Variants in LRMDA observed in about 807,000 individuals in gnomAD.
LRMDA encodes leucine rich melanocyte differentiation associated.
Under a neutral mutation model 29.8 loss-of-function variants are expected in LRMDA, and 18 were observed. The ratio of observed to expected loss-of-function variants is 0.60; its 90% CI spans 0.42 to 0.90. LRMDA has a LOEUF of 0.90. Among genes scored for constraint, LRMDA ranks in the 40% least tolerant of loss-of-function variants. LRMDA has a pLI of 0.00. For synonymous variants in LRMDA, 125 were observed against 109.4 expected (o/e 1.14, Z -0.89); for missense variants, 273 against 273.9 (o/e 1.00, Z 0.02).
chr10:75,493,350 T>TGGGTGG (rs72058186), intron 2 of LRMDA, among the ~76,000 whole-genome samples: 9 of 138,532 alleles, frequency 6.5e-5, no homozygotes, highest in East Asian at 2.3e-4. Flanking sequence ...TGAGATTGGG[T>TGGGTGG]GTGTGTGTGT....
At chr10:75,992,145 GGGTCCAGATA>G (rs1397694104) in intron 2 of LRMDA, among the ~76,000 whole-genome samples, 1 of 152,048 alleles carries the variant, frequency 6.6e-6, no homozygotes, top group East Asian at 1.9e-4. Context: ...GAGGAAAAAG[GGGTCCAGATA>G]GGTTAAACTC....
At chr10:76,311,331 C>T (rs1840627011) in intron 5 of LRMDA, among the ~76,000 whole-genome samples, 1 of 98,672 alleles carries the variant, frequency 1.0e-5, no homozygotes. Flanking sequence ...AATGAAATTT[C>T]CTGTGCTTTT....
chr10:75,908,421 AG>A (rs1845793431), intron 2 of LRMDA, among the ~76,000 whole-genome samples: 1 of 152,246 alleles, frequency 6.6e-6, no homozygotes, highest in South Asian at 2.1e-4. Context: ...ATAAATTGGC[AG>A]TCTGGTTTGT....
chr10:76,210,737 C>A (rs1851620269), intron 5 of LRMDA, among the ~76,000 whole-genome samples: 1 of 152,102 alleles, frequency 6.6e-6, no homozygotes. Context: ...CACTTGATTT[C>A]TTTGGACTCA....
At chr10:76,401,304 A>G (rs1252940963) in intron 6 of LRMDA, among the ~76,000 whole-genome samples, 4 of 152,176 alleles carry the variant, frequency 2.6e-5, no homozygotes, top group Admixed American at 6.5e-5. Context: ...TTGTGGAACT[A>G]TTCGTTTATT....
At position 76,488,422 on chromosome 10, in the gene LRMDA, C is replaced by A. The variant is rs539783924; in HGVS notation, c.602-68787C>A. 3.3e-5 allele frequency among the ~76,000 whole-genome samples: 5 copies of A among 151,762 alleles called. No homozygotes were observed. The South Asian group carries it at 1.0e-3, about 31-fold the overall frequency. On this transcript the variant is annotated intron_variant, in intron 6 of 6. Coordinates refer to ENST00000611255, the MANE Select transcript of LRMDA (RefSeq NM_001305581.2). ...TTTCTAGACTATTATATAAAAAATA[C>A]AATATGTACTGTTTTTTCTGGCTTC...
intron 2 of LRMDA, among the ~76,000 whole-genome samples, chr10:75,562,545 G>A (rs1335444403): frequency 6.6e-6 from 1 of 152,002 alleles, no homozygotes; most frequent in African/African-American, 2.4e-5. Context: ...AGTTAATATT[G>A]TTATGTGTGA....
At chr10:76,517,473 G>C (rs1843073648) in intron 6 of LRMDA, among the ~76,000 whole-genome samples, 1 of 152,110 alleles carries the variant, frequency 6.6e-6, no homozygotes, top group Admixed American at 6.5e-5. Flanking sequence ...ATAAATATCA[G>C]CTTGGAATTG....
intron 2 of LRMDA, among the ~76,000 whole-genome samples, chr10:76,018,768 A>T (rs1847921571): frequency 6.6e-6 from 1 of 151,964 alleles, no homozygotes; most frequent in Non-Finnish European, 1.5e-5. Context: ...GGGTTTCGCC[A>T]TGTTGGCCAG....
intron 2 of LRMDA, among the ~76,000 whole-genome samples, chr10:75,603,113 C>T (rs953604308): frequency 6.6e-6 from 1 of 151,780 alleles, no homozygotes; most frequent in Non-Finnish European, 1.5e-5. Flanking sequence ...TATCTTAATG[C>T]TTAATAGCAA....
intron 2 of LRMDA, among the ~76,000 whole-genome samples, chr10:75,971,652 C>T (rs988411408): frequency 8.5e-5 from 13 of 152,212 alleles, no homozygotes; most frequent in African/African-American, 2.4e-4. Flanking sequence ...CTTGGAAAAA[C>T]ACTCCAACTG....
intron 2 of LRMDA, among the ~76,000 whole-genome samples, chr10:75,973,928 C>A (rs1847026237): frequency 6.6e-6 from 1 of 152,102 alleles, no homozygotes; most frequent in Non-Finnish European, 1.5e-5. Flanking sequence ...AATGCCTGAC[C>A]ATGTGAGCTT....
At chr10:75,978,920 G>A (rs936239615) in intron 2 of LRMDA, among the ~76,000 whole-genome samples, 4 of 152,132 alleles carry the variant, frequency 2.6e-5, no homozygotes, top group Middle Eastern at 3.2e-3. Context: ...GATGAGCCAG[G>A]CAATCTGTGC....
intron 5 of LRMDA, among the ~76,000 whole-genome samples, chr10:76,170,141 G>C (rs76040754): frequency 6.6e-6 from 1 of 152,156 alleles, no homozygotes; most frequent in African/African-American, 2.4e-5. Flanking sequence ...TTCAGGAGCG[G>C]ATCAGGGCTG....
intron 2 of LRMDA, among the ~76,000 whole-genome samples, chr10:75,899,148 T>C (rs1350695485): frequency 6.6e-6 from 1 of 152,230 alleles, no homozygotes; most frequent in Non-Finnish European, 1.5e-5. Context: ...GAGAAGACTA[T>C]TGAAGAAGGC....
Position 76,517,176 on chromosome 10 carries a change from A to T in LRMDA, c.602-40033A>T, listed in dbSNP as rs1227990184. On this transcript the variant is annotated intron_variant, in intron 6 of 6. Coordinates refer to ENST00000611255, the MANE Select transcript of LRMDA (RefSeq NM_001305581.2). Reference sequence around the variant, plus strand: ...GAAGAGAGAATAGGAAAAAGATAGGAGAGCCATACTTGAACAGGTGGCAGC... The same window carrying T: ...GAAGAGAGAATAGGAAAAAGATAGGTGAGCCATACTTGAACAGGTGGCAGC... Among the ~76,000 whole-genome samples, 3 of 152,192 alleles carry T rather than the reference A, an allele frequency of 2.0e-5. No individual in the cohort carries two copies. In the East Asian group the frequency reaches 5.8e-4, roughly 29 times the overall value.
At chr10:75,941,608 T>G (rs969709458) in intron 2 of LRMDA, among the ~76,000 whole-genome samples, 3 of 152,150 alleles carry the variant, frequency 2.0e-5, no homozygotes, top group Non-Finnish European at 4.4e-5. Context: ...TGGGCAGATC[T>G]GCGACTTGAT....
chr10:76,533,490 C>G, intron 6 of LRMDA, among the ~76,000 whole-genome samples: 1 of 152,186 alleles, frequency 6.6e-6, no homozygotes, highest in East Asian at 1.9e-4. Flanking sequence ...TCTTACACAC[C>G]CATGCTGGCC....
chr10:76,081,430 G>T (rs887949766), intron 5 of LRMDA, among the ~76,000 whole-genome samples: 3 of 152,216 alleles, frequency 2.0e-5, no homozygotes, highest in Non-Finnish European at 4.4e-5. Context: ...TCCAAGCTGG[G>T]TGACAGAATG....
Sources: gnomAD v4.1 joint callset for allele counts (sites outside exome capture counted in the v4.1 genomes callset) on GRCh38, gnomAD v4.1.1 for gene constraint, MANE v1.5 for transcripts, NCBI Gene and HGNC (gene_info 2026-07-23, HGNC 2026-07-21) for gene names.